The following CCDC30 variants were observed in gnomAD, a reference collection of about 807,000 sequenced individuals.
CCDC30 encodes coiled-coil domain-containing protein 30.
In CCDC30, 70 loss-of-function variants were observed where a neutral mutation model predicts 100.2. The ratio of observed to expected loss-of-function variants is 0.70; its 90% CI spans 0.58 to 0.85. The LOEUF is 0.85. CCDC30 is among the 40% of genes least tolerant of loss of function. CCDC30 has a pLI of 0.00. For synonymous variants in CCDC30, 233 were observed against 269.5 expected (o/e 0.86, Z 1.33); for missense variants, 652 against 771.2 (o/e 0.85, Z 1.83).
At chr1:42,549,595 G>A (rs1645209111) in intron 6 of CCDC30, among the ~76,000 whole-genome samples, 2 of 152,124 alleles carry the variant, frequency 1.3e-5, no homozygotes, top group Admixed American at 1.3e-4. Context: ...TGAGAGGTAG[G>A]GTGGGAGGAA....
chr1:42,459,021 G>A (rs1012380153), upstream of CCDC30, among the ~76,000 whole-genome samples: 7 of 152,192 alleles, frequency 4.6e-5, no homozygotes, highest in Non-Finnish European at 7.3e-5. Context: ...AAAATAAAGG[G>A]ACATGCTTGA....
intron 6 of CCDC30, among the ~76,000 whole-genome samples, chr1:42,535,505 T>A (rs1206500499): frequency 6.7e-6 from 1 of 150,104 alleles, no homozygotes; most frequent in Non-Finnish European, 1.5e-5. Flanking sequence ...CAATTTCAGC[T>A]GCTTCCTGAC....
At chr1:42,479,896 C>G (rs924869617) in intron 1 of CCDC30, among the ~76,000 whole-genome samples, 1 of 152,080 alleles carries the variant, frequency 6.6e-6, no homozygotes, top group Admixed American at 6.5e-5. Flanking sequence ...ATTCCGTGGG[C>G]TGGCAGGGAA....
the CCDC30 span, chr1:42,456,247 G>C: frequency 1.7e-6 from 1 of 605,508 alleles, no homozygotes. Flanking sequence ...AGGAGTCCAA[G>C]TCCAGAAAGG....
exon 10 of CCDC30, chr1:42,589,360 A>G (rs754656870): frequency 6.2e-7 from 1 of 1,613,446 alleles, no homozygotes; most frequent in South Asian, 1.1e-5. Flanking sequence ...TACACAGGCA[A>G]GTGAGAACCT....
intron 6 of CCDC30, among the ~76,000 whole-genome samples, chr1:42,502,591 C>A (rs572259240): frequency 1.3e-5 from 2 of 152,160 alleles, no homozygotes; most frequent in Non-Finnish European, 2.9e-5. Flanking sequence ...TGTTCCTATT[C>A]GGCCATCTTG....
intron 8 of CCDC30, chr1:42,581,108 T>C: frequency 2.6e-6 from 1 of 391,132 alleles, no homozygotes. Flanking sequence ...CCCACAGTTC[T>C]GGGATTACAG....
chr1:42,523,717 T>C (rs1309884499), intron 6 of CCDC30, among the ~76,000 whole-genome samples: 2 of 152,218 alleles, frequency 1.3e-5, no homozygotes. Flanking sequence ...AGTGTGTATG[T>C]TGGCCCACCT....
At chr1:42,475,603 A>G (rs184848587) in intron 1 of CCDC30, among the ~76,000 whole-genome samples, 1 of 152,230 alleles carries the variant, frequency 6.6e-6, no homozygotes, top group African/African-American at 2.4e-5. Context: ...GGGAAAAATT[A>G]TATCTTCTAC....
intron 11 of CCDC30, among the ~76,000 whole-genome samples, chr1:42,613,388 G>A (rs946828444): frequency 1.3e-5 from 2 of 152,146 alleles, no homozygotes; most frequent in Non-Finnish European, 2.9e-5. Context: ...CAGAGTAGCT[G>A]GGACCACAGG....
At chr1:42,525,561 A>AT (rs1164200847) in intron 6 of CCDC30, among the ~76,000 whole-genome samples, 3 of 151,814 alleles carry the variant, frequency 2.0e-5, no homozygotes, top group South Asian at 2.1e-4. Context: ...CTATTCACTG[A>AT]TTTTTTTCCT....
intron 11 of CCDC30, among the ~76,000 whole-genome samples, chr1:42,617,804 C>A (rs560175675): frequency 6.6e-6 from 1 of 152,198 alleles, no homozygotes; most frequent in Non-Finnish European, 1.5e-5. Context: ...CTCAGGTTTA[C>A]AACAGTGACT....
At chr1:42,585,083 C>G (rs769502123) in intron 9 of CCDC30, among the ~76,000 whole-genome samples, 1 of 152,090 alleles carries the variant, frequency 6.6e-6, no homozygotes, top group South Asian at 2.1e-4. Context: ...TATAGGCCAA[C>G]TTAGATTATC....
At chr1:42,534,042 GCTTTAAACTTTGGTTA>G (rs1644851539) in intron 6 of CCDC30, 1 of 152,044 alleles carries the variant, frequency 6.6e-6, no homozygotes, top group Non-Finnish European at 1.5e-5. Flanking sequence ...GTGTTTTTCT[GCTTTAAACTTTGGTTA>G]CTGGGCTCAT....
intron 4 of CCDC30, among the ~76,000 whole-genome samples, chr1:42,495,756 C>A (rs1234415643): frequency 6.6e-6 from 1 of 151,908 alleles, no homozygotes; most frequent in African/African-American, 2.4e-5. Flanking sequence ...ACTCCAGGCT[C>A]AGATTGCTTC....
At chr1:42,559,013 T>G (rs1166073440) in intron 6 of CCDC30, among the ~76,000 whole-genome samples, 1 of 152,186 alleles carries the variant, frequency 6.6e-6, no homozygotes, top group Non-Finnish European at 1.5e-5. Flanking sequence ...AAAAGAATTT[T>G]CAACCCAGAA....
the CCDC30 span, chr1:42,456,436 G>C: frequency 1.2e-5 from 12 of 986,556 alleles, no homozygotes; most frequent in South Asian, 1.8e-5. Flanking sequence ...TGGCGAGATC[G>C]GGACCTAGTG....
intron 7 of CCDC30, among the ~76,000 whole-genome samples, chr1:42,568,197 C>T (rs559895420): frequency 6.6e-6 from 1 of 152,278 alleles, no homozygotes; most frequent in African/African-American, 2.4e-5. Flanking sequence ...TCACTGCAAC[C>T]TCCACCTCCC....
intron 6 of CCDC30, among the ~76,000 whole-genome samples, chr1:42,532,151 A>G (rs1644815959): frequency 6.6e-6 from 1 of 152,006 alleles, no homozygotes; most frequent in South Asian, 2.1e-4. Context: ...AAAAAGACTT[A>G]ATGTTTTTGC....
Sources: allele counts gnomAD v4.1 joint callset (sites outside exome capture counted in the v4.1 genomes callset), GRCh38; gene constraint gnomAD v4.1.1; transcripts MANE v1.5; gene names NCBI Gene and HGNC (gene_info 2026-07-23, HGNC 2026-07-21).